Variants in CROCC2 observed in about 807,000 individuals in gnomAD.
CROCC2 encodes ciliary rootlet coiled-coil, rootletin family member 2, also known as ciliary rootlet coiled-coil protein 2.
A neutral mutation model predicts 177.6 loss-of-function variants in CROCC2; 163 were observed. That is an observed-to-expected ratio of 0.92 (90% confidence interval 0.81 to 1.05). The LOEUF is 1.05. Among genes scored for constraint, CROCC2 ranks in the 50% least tolerant of loss-of-function variants. The pLI, the probability that CROCC2 is intolerant of heterozygous loss-of-function variation, is 0.00. For missense variants in CROCC2, 1,929 were observed against 1,797.8 expected, an observed-to-expected ratio of 1.07 and a Z score of -1.32; for synonymous variants, 904 against 787.3, an observed-to-expected ratio of 1.15 and a Z score of -2.48.
chr2:240,958,674 G>A lies in CROCC2; in HGVS notation c.2944-627G>A, dbSNP rs1490683167. The A allele has an allele frequency of 7.3e-6, 6 of 820,284 alleles. No homozygotes were observed. The highest frequency in any genetic ancestry group is 8.8e-6 in the Non-Finnish European group (6 of 679,018). The allele number at this position is 820,284 out of a possible 1,614,324, so 50.8% of individuals were successfully genotyped here. On this transcript the variant is annotated intron_variant, in intron 19 of 31. Coordinates refer to ENST00000690015, the MANE Select transcript of CROCC2 (RefSeq NM_001351305.2). The surrounding 1 kb of genome is among the most constrained non-coding windows in gnomAD (Gnocchi z 6.7). ...GCAGGGCAGGGCTCGGACCCTTCAT[G>A]TTGAGGACACTGAGGCCCAGGAAGC...
At chr2:240,910,667 G>A (rs973183715) in intron 1 of CROCC2, among the ~76,000 whole-genome samples, 21 of 152,278 alleles carry the variant, frequency 1.4e-4, no homozygotes, top group East Asian at 3.9e-4. Context: ...GATACTAGCC[G>A]CGTACCGGCT....
rs1334369728 is a variant in CROCC2 at position 240,955,851 on chromosome 2, C to T, written c.2830-8C>T. The stretch of plus-strand genomic sequence containing the variant: ...AACTTTCTCACAAGCATACCCCGTC[C>T]TGTTCAGGCCCTGTCCCTGAAAGAA... On this transcript the variant is annotated splice_region_variant and splice_polypyrimidine_tract_variant and intron_variant, in intron 18 of 31. Coordinates refer to ENST00000690015, the MANE Select transcript of CROCC2 (RefSeq NM_001351305.2). 3.3e-6 allele frequency: 5 copies of T among 1,528,572 alleles called. No individual in the cohort carries two copies. Among genetic ancestry groups the T allele is most frequent in the Non-Finnish European group, 4.4e-6 (5 of 1,140,904 alleles). 94.7% of individuals were successfully genotyped at this position (1,528,572 alleles called of 1,614,324 possible). A position where few individuals can be genotyped will look rare whatever the true frequency, so the allele number is the denominator to read the frequency against.
At chr2:240,976,042 TG>T (rs1359372556) in intron 27 of CROCC2, among the ~76,000 whole-genome samples, 2 of 152,234 alleles carry the variant, frequency 1.3e-5, no homozygotes, top group African/African-American at 4.8e-5. Flanking sequence ...AGCCTTCTTT[TG>T]GTCTCAACGA....
At chr2:240,951,475 A>G (rs1447646311) in intron 18 of CROCC2, among the ~76,000 whole-genome samples, 1 of 152,080 alleles carries the variant, frequency 6.6e-6, no homozygotes, top group African/African-American at 2.4e-5. Flanking sequence ...CACACTTGTC[A>G]TCATCCACCC....
intron 5 of CROCC2, 99 bp from the exon 6 acceptor site, chr2:240,930,067 C>T (rs2059417707): frequency 1.9e-6 from 1 of 521,022 alleles, no homozygotes; most frequent in South Asian, 3.6e-5. Flanking sequence ...GGTCCACTTC[C>T]AGCCCCCATG....
At chr2:240,930,346 G>C in intron 6 of CROCC2, 77 bp downstream of exon 6, 1 of 457,782 alleles carries the variant, frequency 2.2e-6, no homozygotes. Flanking sequence ...GGGGGAAATC[G>C]GTGCCCAGGG....
chr2:240,962,112 G>T (rs1223514901), intron 20 of CROCC2, among the ~76,000 whole-genome samples: 1 of 151,562 alleles, frequency 6.6e-6, no homozygotes, highest in African/African-American at 2.4e-5. Flanking sequence ...ACCCTCCCCT[G>T]CTTTCCCTCC....
Position 240,930,911 on chromosome 2 carries a change from A to G in CROCC2, c.750-20A>G, listed in dbSNP as rs1032337137. The G allele has an allele frequency of 1.4e-5, 10 of 696,648 alleles. No homozygotes were observed. In the Admixed American group the frequency reaches 1.6e-4, roughly 11 times the overall value. 43.2% of individuals were successfully genotyped at this position (696,648 alleles called of 1,614,324 possible). ...CAGATGGGTCCTGAGTCCGCCACAG[A>G]TGCTGCCCTTGTCTCCCAGGGGCCT... is the stretch of plus-strand genomic sequence containing the variant. On this transcript the variant is annotated intron_variant, in intron 6 of 31. Coordinates refer to ENST00000690015, the MANE Select transcript of CROCC2 (RefSeq NM_001351305.2).
At chr2:240,941,889 G>A (rs567752514) in intron 14 of CROCC2, among the ~76,000 whole-genome samples, 93 of 152,300 alleles carry the variant, frequency 6.1e-4, no homozygotes, top group Non-Finnish European at 9.8e-4. Flanking sequence ...CCTCATCAGC[G>A]AGATTAAAGC....
rs1263293241 is a variant in CROCC2 at position 240,962,503 on chromosome 2, GGGGA to G, written c.3088-1050_3088-1047del. Among the ~76,000 whole-genome samples the G allele has an allele frequency of 5.3e-5, 8 of 152,300 alleles. No individual in the cohort carries two copies. The East Asian group carries it at 1.5e-3, about 29-fold the overall frequency. On this transcript the variant is annotated intron_variant, in intron 20 of 31. Transcript: ENST00000690015. ...ACGTGTGGGGGTGGAGGGGAGCGGA[GGGGA>G]GGCTCTGGCCCTTCCCAAAAACAGA...
intron 28 of CROCC2, chr2:240,985,850 G>T (rs1214748151): frequency 2.4e-6 from 1 of 421,736 alleles, no homozygotes; most frequent in Non-Finnish European, 4.8e-6. Context: ...TCACACTGGG[G>T]GTCTCACTGC....
intron 8 of CROCC2, 82 bp from the exon 9 acceptor site, chr2:240,932,620 C>T: frequency 1.4e-6 from 1 of 714,026 alleles, no homozygotes; most frequent in Non-Finnish European, 2.6e-6. Flanking sequence ...CGCAGGGACC[C>T]TCAGGACTGT....
chr2:240,916,044 G>C (rs369047108), intron 1 of CROCC2, among the ~76,000 whole-genome samples: 1 of 152,134 alleles, frequency 6.6e-6, no homozygotes, highest in East Asian at 1.9e-4. Context: ...GGTCGCGGAG[G>C]GGACGCCCTG....
At chr2:240,966,919 T>C (rs1384955568) in intron 25 of CROCC2, among the ~76,000 whole-genome samples, 1 of 151,766 alleles carries the variant, frequency 6.6e-6, no homozygotes, top group Non-Finnish European at 1.5e-5. Context: ...GCCAGGGTCC[T>C]CTGTGCACAC....
chr2:240,993,057 TC>T lies in CROCC2; in HGVS notation c.4947-6del, dbSNP rs1436653425. The T allele has an allele frequency of 4.2e-6, 3 of 716,826 alleles. No homozygotes were observed. Among genetic ancestry groups the T allele is most frequent in the African/African-American group, 3.5e-5 (2 of 57,248 alleles). The allele number at this position is 716,826 out of a possible 1,614,324, so 44.4% of individuals were successfully genotyped here. ...CGGTGTCCACGCCTCCCTCTTTGCATCCCTGCAGCGCCCAAAGGGACTGAAG... is the reference window on the plus strand; with the variant it reads ...CGGTGTCCACGCCTCCCTCTTTGCATCCTGCAGCGCCCAAAGGGACTGAAG... On this transcript the variant is annotated splice_region_variant and splice_polypyrimidine_tract_variant and intron_variant, in intron 31 of 31. Transcript: ENST00000690015.
intron 21 of CROCC2, 71 bp from the exon 22 acceptor site, chr2:240,964,395 G>A: frequency 6.5e-7 from 1 of 1,533,758 alleles, no homozygotes; most frequent in Non-Finnish European, 8.8e-7. Flanking sequence ...AGGGGAGGCA[G>A]AGACCTGCTG....
intron 13 of CROCC2, 38 bp from the exon 14 acceptor site, chr2:240,935,320 G>A: frequency 7.5e-7 from 1 of 1,333,530 alleles, no homozygotes; most frequent in South Asian, 2.2e-5. Flanking sequence ...ACCGAGGATG[G>A]GGGGAGTGGA....
intron 1 of CROCC2, among the ~76,000 whole-genome samples, chr2:240,916,228 C>G (rs2059319207): frequency 6.6e-6 from 1 of 151,874 alleles, no homozygotes; most frequent in Non-Finnish European, 1.5e-5. Flanking sequence ...TCCACCTTCC[C>G]TTCCTTCCCC....
chr2:240,922,382 G>T (rs1170016563), intron 3 of CROCC2, among the ~76,000 whole-genome samples, 157 bp from the exon 4 acceptor site: 1 of 152,242 alleles, frequency 6.6e-6, no homozygotes. Flanking sequence ...TTGTGTGGAA[G>T]GGCCTGGGCC....
Sources: gnomAD v4.1 joint callset for allele counts (sites outside exome capture counted in the v4.1 genomes callset) on GRCh38, gnomAD v4.1.1 for gene constraint, Gnocchi (gnomAD v3.1) non-coding constraint, MANE v1.5 for transcripts, NCBI Gene and HGNC (gene_info 2026-07-23, HGNC 2026-07-21) for gene names.